The following MRC1 variants were observed in gnomAD, a reference collection of about 807,000 sequenced individuals.
MRC1 encodes the protein mannose receptor C-type 1, also known as macrophage mannose receptor 1.
MRC1 carries 62 observed loss-of-function variants against 102.9 expected under a neutral mutation model. The ratio of observed to expected loss-of-function variants is 0.60; its 90% CI spans 0.49 to 0.74. The LOEUF is 0.74. Among genes scored for constraint, MRC1 ranks in the 30% least tolerant of loss-of-function variants. The pLI is 0.00. For synonymous variants in MRC1, 457 were observed against 298.4 expected (o/e 1.53, Z -5.48); for missense variants, 1,237 against 862.8 (o/e 1.43, Z -5.43).
intron 26 of MRC1, among the ~76,000 whole-genome samples, chr10:17,904,953 A>C (rs1833876985): frequency 6.6e-6 from 1 of 152,194 alleles, no homozygotes; most frequent in South Asian, 2.1e-4. Flanking sequence ...TCACTGCCTT[A>C]GATGGTTACA....
At chr10:17,852,199 A>ATGT (rs1243925585) in intron 7 of MRC1, among the ~76,000 whole-genome samples, 1 of 152,194 alleles carries the variant, frequency 6.6e-6, no homozygotes, top group Non-Finnish European at 1.5e-5. Flanking sequence ...AAAATCAATA[A>ATGT]TGTTCTCCAT....
intron 1 of MRC1, among the ~76,000 whole-genome samples, chr10:17,814,568 A>C (rs1838276354): frequency 6.6e-6 from 1 of 152,028 alleles, no homozygotes; most frequent in Admixed American, 6.6e-5. Flanking sequence ...AAAATGGTGG[A>C]ACCAGGATTT....
chr10:17,856,938 A>G (rs1046183882), intron 9 of MRC1, among the ~76,000 whole-genome samples: 3 of 152,174 alleles, frequency 2.0e-5, no homozygotes, highest in Non-Finnish European at 2.9e-5. Context: ...TTTTTAAAGC[A>G]CACAGAAGCT....
At position 17,866,592 on chromosome 10, in the gene MRC1, C is replaced by T. The variant is rs1833271428; in HGVS notation, c.1814C>T (p.Thr605Ile). ...GRKPGCVAMR[T>I]GIAGGLWDVL... ...AAGCCAGGGTGTGTTGCCATGAGAA[C>T]CGGGATTGCAGGGGGCTTATGGGAT... Residue 605 changes from threonine to isoleucine, a missense_variant, in exon 12 of 30, where the codon ACC becomes ATC. Thr to Ile is a moderately conservative substitution (Grantham distance 89). Coordinates refer to ENST00000569591, the MANE Select transcript of MRC1 (RefSeq NM_002438.4). 1.3e-6 allele frequency: 1 copy of T among 780,678 alleles called. No individual in the cohort carries two copies. Among genetic ancestry groups the T allele is most frequent in the East Asian group, 2.4e-5 (1 of 41,244 alleles). The allele number at this position is 780,678 out of a possible 1,614,324, so 48.4% of individuals were successfully genotyped here. A position where few individuals can be genotyped will look rare whatever the true frequency, so the allele number is the denominator to read the frequency against.
At chr10:17,897,758 T>G (rs1833775642) in intron 23 of MRC1, among the ~76,000 whole-genome samples, 1 of 152,220 alleles carries the variant, frequency 6.6e-6, no homozygotes, top group Non-Finnish European at 1.5e-5. Flanking sequence ...TGGATTGAAT[T>G]TGTCACATGT....
chr10:17,856,974 C>G (rs1260989064), intron 9 of MRC1, among the ~76,000 whole-genome samples: 1 of 152,122 alleles, frequency 6.6e-6, no homozygotes, highest in Non-Finnish European at 1.5e-5. Context: ...TTATGGTTAT[C>G]ATTTTCCTGT....
At chr10:17,905,530 A>T (rs1833883768) in intron 26 of MRC1, among the ~76,000 whole-genome samples, 1 of 151,770 alleles carries the variant, frequency 6.6e-6, no homozygotes, top group Non-Finnish European at 1.5e-5. Context: ...TTTTGAAAAA[A>T]ATTGCAATGA....
At chr10:17,825,503 G>A (rs1380586628) in intron 2 of MRC1, among the ~76,000 whole-genome samples, 1 of 152,168 alleles carries the variant, frequency 6.6e-6, no homozygotes, top group Non-Finnish European at 1.5e-5. Flanking sequence ...CACCTTGGGA[G>A]GCTAAGGCAA....
rs961234762 is a variant in MRC1 at position 17,881,796 on chromosome 10, C to G, written c.2980+615C>G. Among the ~76,000 whole-genome samples the G allele has an allele frequency of 1.6e-3, 219 of 140,092 alleles. 1 individual carries two copies. The highest frequency in any genetic ancestry group is 5.6e-3 in the African/African-American group (209 of 37,130). 91.9% of individuals were successfully genotyped at this position (140,092 alleles called of 152,430 possible). A position where few individuals can be genotyped will look rare whatever the true frequency, so the allele number is the denominator to read the frequency against. The stretch of plus-strand genomic sequence containing the variant: ...GCCTCAGCTTCCTCAGTAGCTAGGG[C>G]AGGCCTGGGCCACAATGCTCGCCTA... On this transcript the variant is annotated intron_variant, in intron 21 of 29. Coordinates refer to ENST00000569591, the MANE Select transcript of MRC1 (RefSeq NM_002438.4).
chr10:17,832,834 C>T (rs1838598868), intron 3 of MRC1, among the ~76,000 whole-genome samples: 1 of 152,010 alleles, frequency 6.6e-6, no homozygotes, highest in Admixed American at 6.5e-5. Flanking sequence ...TGTGATCCGC[C>T]AGCCTCGGCC....
chr10:17,836,531 G>T (rs971127999), intron 4 of MRC1, among the ~76,000 whole-genome samples: 1 of 152,180 alleles, frequency 6.6e-6, no homozygotes, highest in Non-Finnish European at 1.5e-5. Flanking sequence ...TTGCAGGCAC[G>T]AGAGAAAATG....
chr10:17,851,910 C>A (rs918443648), intron 7 of MRC1, among the ~76,000 whole-genome samples: 12 of 152,202 alleles, frequency 7.9e-5, no homozygotes, highest in Non-Finnish European at 1.6e-4. Context: ...TAGGGAGAAT[C>A]TTATACATTG....
At chr10:17,900,126 T>G (rs1339600462) in intron 24 of MRC1, among the ~76,000 whole-genome samples, 3 of 148,840 alleles carry the variant, frequency 2.0e-5, no homozygotes, top group African/African-American at 7.4e-5. Context: ...AGAAAGAAAT[T>G]GACTGTGCAA....
chr10:17,909,433 A>G (rs1202390651), intron 29 of MRC1, 86 bp downstream of exon 29: 8 of 775,966 alleles, frequency 1.0e-5, no homozygotes, highest in African/African-American at 8.6e-5. Flanking sequence ...ATCCCTTCCA[A>G]CTCCCCTGCT....
intron 1 of MRC1, 107 bp downstream of exon 1, chr10:17,809,633 A>C: frequency 1.2e-6 from 1 of 816,736 alleles, no homozygotes; most frequent in Non-Finnish European, 2.2e-6. Context: ...TGTGAGGAGG[A>C]AACGGGGTTC....
intron 4 of MRC1, among the ~76,000 whole-genome samples, chr10:17,834,712 C>G (rs1019599338): frequency 9.2e-5 from 14 of 152,194 alleles, no homozygotes; most frequent in African/African-American, 3.4e-4. Flanking sequence ...CCGTGCCTGG[C>G]CAATGTGTTT....
At chr10:17,835,333 C>T (rs1331742387) in intron 4 of MRC1, among the ~76,000 whole-genome samples, 5 of 152,172 alleles carry the variant, frequency 3.3e-5, no homozygotes, top group Non-Finnish European at 7.3e-5. Flanking sequence ...TATTTATTTA[C>T]TTATTCATTC....
At chr10:17,873,696 T>C in intron 15 of MRC1, 88 bp from the exon 16 acceptor site, 3 of 821,958 alleles carry the variant, frequency 3.6e-6, no homozygotes, top group South Asian at 2.7e-5. Context: ...TTTAGCAATA[T>C]TGACTCATGA....
chr10:17,881,230 G>T, intron 21 of MRC1, 49 bp downstream of exon 21: 1 of 766,782 alleles, frequency 1.3e-6, no homozygotes, highest in South Asian at 1.4e-5. Context: ...ATGGAATTCT[G>T]ACTGCAAAAT....
Sources: allele counts gnomAD v4.1 joint callset (sites outside exome capture counted in the v4.1 genomes callset), GRCh38; gene constraint gnomAD v4.1.1; transcripts MANE v1.5; gene names NCBI Gene and HGNC (gene_info 2026-07-23, HGNC 2026-07-21).